Variants in PRKCI observed in about 807,000 individuals in gnomAD.
PRKCI encodes protein kinase C iota type.
In PRKCI, 43 loss-of-function variants were observed where a neutral mutation model predicts 84.0. The ratio of observed to expected loss-of-function variants is 0.51; its 90% CI spans 0.40 to 0.66. PRKCI has a LOEUF of 0.66. Ranked by LOEUF, PRKCI falls within the 30% of genes least tolerant of loss-of-function variation. The pLI, the probability that PRKCI is intolerant of heterozygous loss-of-function variation, is 0.00. For missense variants in PRKCI, 459 were observed against 745.6 expected (o/e 0.62, Z 4.48); for synonymous variants, 216 against 234.4 (o/e 0.92, Z 0.72).
chr3:170,273,919 C>G (rs1734055717), intron 7 of PRKCI, among the ~76,000 whole-genome samples: 1 of 149,090 alleles, frequency 6.7e-6, no homozygotes, highest in South Asian at 2.1e-4. Context: ...ATCCCTTGAG[C>G]TCAGGAGTTC....
intron 17 of PRKCI, among the ~76,000 whole-genome samples, chr3:170,302,813 TG>T (rs539834793): frequency 1.2e-3 from 187 of 152,334 alleles, no homozygotes; most frequent in Middle Eastern, 3.4e-3. Context: ...TCCTCAGTTT[TG>T]AACTCCTTTT....
At chr3:170,252,231 A>G (rs1354789242) in intron 2 of PRKCI, among the ~76,000 whole-genome samples, 3 of 152,154 alleles carry the variant, frequency 2.0e-5, no homozygotes, top group African/African-American at 4.8e-5. Context: ...AAAAAAAGAA[A>G]TTAGGAAAGA....
intron 1 of PRKCI, among the ~76,000 whole-genome samples, chr3:170,233,414 T>C (rs1732856081): frequency 6.6e-6 from 1 of 152,160 alleles, no homozygotes; most frequent in South Asian, 2.1e-4. Context: ...AAGCAGATTA[T>C]ATTCTGTTGA....
chr3:170,245,949 G>GTTTTTTTTTTTTTTTTTTTTTTTTTTT (rs112482352), intron 2 of PRKCI, among the ~76,000 whole-genome samples: 4 of 82,464 alleles, frequency 4.9e-5, no homozygotes, highest in Admixed American at 1.4e-4. Flanking sequence ...TTATGTCTTT[G>GTTTTTTTTTTTTTTTTTTTTTTTTTTT]TTTTTTTTTT....
chr3:170,261,620 A>T (rs1266880624), intron 3 of PRKCI, among the ~76,000 whole-genome samples: 2 of 152,038 alleles, frequency 1.3e-5, no homozygotes, highest in East Asian at 3.9e-4. Flanking sequence ...AGTACTTGGG[A>T]TTACAGGCGC....
chr3:170,263,354 C>T, intron 3 of PRKCI, 25 bp from the exon 4 acceptor site: 1 of 1,574,990 alleles, frequency 6.3e-7, no homozygotes, highest in Non-Finnish European at 8.7e-7. Context: ...ATGCTGTTAA[C>T]TCATGTTCGT....
intron 1 of PRKCI, among the ~76,000 whole-genome samples, chr3:170,230,565 AG>A (rs1447729220): frequency 7.9e-5 from 12 of 152,200 alleles, no homozygotes; most frequent in African/African-American, 2.9e-4. Context: ...CGTGACCTCA[AG>A]TGATTCACCC....
chr3:170,228,543 C>G (rs1381368253), intron 1 of PRKCI, among the ~76,000 whole-genome samples: 2 of 151,856 alleles, frequency 1.3e-5, no homozygotes, highest in Admixed American at 6.6e-5. Context: ...CCACTGCACT[C>G]CAGCCTGGGC....
At chr3:170,288,245 CA>C (rs564983474) in intron 12 of PRKCI, among the ~76,000 whole-genome samples, 4,942 of 127,486 alleles carry the variant, frequency 0.039, 129 homozygotes, top group Admixed American at 0.11. Flanking sequence ...GACTACGTCT[CA>C]AAAAAAAAAA....
intron 2 of PRKCI, among the ~76,000 whole-genome samples, chr3:170,254,951 A>G (rs954962776): frequency 6.8e-6 from 1 of 147,026 alleles, no homozygotes; most frequent in African/African-American, 2.5e-5. Context: ...CTTCCAATCC[A>G]TGAACATGGA....
chr3:170,240,298 T>C (rs984747795), intron 2 of PRKCI, among the ~76,000 whole-genome samples: 2 of 152,062 alleles, frequency 1.3e-5, no homozygotes, highest in African/African-American at 2.4e-5. Context: ...GTTTTTTTTT[T>C]CTTAAAGTAG....
At chr3:170,227,653 A>T (rs979311329) in intron 1 of PRKCI, among the ~76,000 whole-genome samples, 1 of 152,222 alleles carries the variant, frequency 6.6e-6, no homozygotes, top group African/African-American at 2.4e-5. Context: ...CCTTATTAGG[A>T]TATAAAGTAT....
rs1421785418 is a variant in PRKCI, at chr3:170,281,192, G to A, written c.909G>A (p.Lys303=). ...DEDIDWVQTE[K]HVFEQASNHP... The stretch of plus-strand genomic sequence containing the variant: ...ATATTGATTGGGTACAGACAGAGAA[G>A]CATGTGTTTGAGCAGGCATCCAATC... The change falls in exon 10 of 18, where the codon AAG becomes AAA. Residue 303 remains lysine (K), a synonymous_variant. Coordinates refer to ENST00000295797, the MANE Select transcript of PRKCI (RefSeq NM_002740.6). 8 of 1,613,436 alleles carry A rather than the reference G, an allele frequency of 5.0e-6. No homozygotes were observed. Among genetic ancestry groups the A allele is most frequent in the Non-Finnish European group, 6.8e-6 (8 of 1,179,932 alleles).
At chr3:170,292,297 T>G (rs1423292289) in intron 13 of PRKCI, among the ~76,000 whole-genome samples, 1 of 152,094 alleles carries the variant, frequency 6.6e-6, no homozygotes, top group Non-Finnish European at 1.5e-5. Context: ...ATACGGAAAG[T>G]TTAAATAACT....
chr3:170,293,821 C>T (rs969199509), intron 14 of PRKCI, among the ~76,000 whole-genome samples: 1 of 152,040 alleles, frequency 6.6e-6, no homozygotes, highest in Admixed American at 6.6e-5. Context: ...ACTGGGATTA[C>T]AGGCACACAC....
intron 14 of PRKCI, among the ~76,000 whole-genome samples, chr3:170,294,077 CAG>C (rs1036261928): frequency 2.1e-4 from 32 of 152,198 alleles, no homozygotes; most frequent in Admixed American, 9.8e-4. Flanking sequence ...AAAATCATAA[CAG>C]GGGTTATTTA....
At chr3:170,282,013 T>C in intron 11 of PRKCI, 45 bp downstream of exon 11, 2 of 1,593,286 alleles carry the variant, frequency 1.3e-6, no homozygotes, top group Non-Finnish European at 1.7e-6. Flanking sequence ...TTTGGGGCCA[T>C]GTGGCTTTTT....
intron 2 of PRKCI, among the ~76,000 whole-genome samples, chr3:170,248,000 G>A (rs1458580281): frequency 6.6e-6 from 1 of 152,102 alleles, no homozygotes; most frequent in Non-Finnish European, 1.5e-5. Context: ...TTAGTGTTCT[G>A]ACTGCATATC....
chr3:170,235,085 T>C lies in PRKCI; in HGVS notation c.102-145T>C, dbSNP rs73034326. 9.8e-4 allele frequency: 856 copies of C among 870,762 alleles called. 9 individuals carry two copies. The African/African-American group carries it at 0.013, about 13-fold the overall frequency. 53.9% of individuals were successfully genotyped at this position (870,762 alleles called of 1,614,324 possible). A position where few individuals can be genotyped will look rare whatever the true frequency, so the allele number is the denominator to read the frequency against. The stretch of plus-strand genomic sequence containing the variant: ...CCCAGCTTGATATTTTAATTTTTAC[T>C]TGAATGAAATCATTTACTGAAAGCA... On this transcript the variant is annotated intron_variant, in intron 1 of 17. Coordinates refer to ENST00000295797, the MANE Select transcript of PRKCI (RefSeq NM_002740.6).
Sources: allele counts gnomAD v4.1 joint callset (sites outside exome capture counted in the v4.1 genomes callset), GRCh38; gene constraint gnomAD v4.1.1; transcripts MANE v1.5; gene names NCBI Gene and HGNC (gene_info 2026-07-23, HGNC 2026-07-21).